The following FSTL4 variants were observed in gnomAD, a reference collection of about 807,000 sequenced individuals.
The protein encoded by FSTL4 is follistatin-related protein 4.
In FSTL4, 28 loss-of-function variants were observed where a neutral mutation model predicts 78.2. The ratio of observed to expected loss-of-function variants is 0.36; its 90% CI spans 0.27 to 0.49. The LOEUF is 0.49. Among genes scored for constraint, FSTL4 ranks in the 20% least tolerant of loss-of-function variants. The probability of loss-of-function intolerance (pLI) is 0.98; values close to 1 mark genes in which losing one functional copy is unlikely to be tolerated. For missense variants in FSTL4, 922 were observed against 1,084.9 expected (o/e 0.85, Z 2.11); for synonymous variants, 422 against 440.5 (o/e 0.96, Z 0.53).
chr5:133,517,447 A>AT (rs1217832188), intron 3 of FSTL4, among the ~76,000 whole-genome samples: 5 of 16,400 alleles, frequency 3.0e-4, no homozygotes, highest in Non-Finnish European at 4.0e-4. Context: ...AAAAAAAAAA[A>AT]ATATATATAT....
chr5:133,666,239 C>T, the FSTL4 span, among the ~76,000 whole-genome samples: 1 of 152,078 alleles, frequency 6.6e-6, no homozygotes, highest in African/African-American at 2.4e-5. Context: ...TTTCAGTGAG[C>T]GAAGCACTTT....
At chr5:133,507,490 A>G (rs1758632483) in intron 3 of FSTL4, among the ~76,000 whole-genome samples, 1 of 151,228 alleles carries the variant, frequency 6.6e-6, no homozygotes, top group Non-Finnish European at 1.5e-5. Context: ...CGGGTTCCAC[A>G]TCTACAGATT....
intron 3 of FSTL4, among the ~76,000 whole-genome samples, chr5:133,478,285 AT>A (rs1381350815): frequency 2.6e-5 from 4 of 152,132 alleles, no homozygotes; most frequent in Non-Finnish European, 4.4e-5. Context: ...CATCTTCACG[AT>A]TTATGGTGTG....
the FSTL4 span, among the ~76,000 whole-genome samples, chr5:133,837,712 C>T: frequency 6.6e-6 from 1 of 152,120 alleles, no homozygotes; most frequent in Admixed American, 6.5e-5. Flanking sequence ...GGTAGAACCA[C>T]AATTTTCCCC....
chr5:133,368,555 G>A (rs1248338311), intron 4 of FSTL4, among the ~76,000 whole-genome samples: 1 of 152,254 alleles, frequency 6.6e-6, no homozygotes, highest in Admixed American at 6.5e-5. Flanking sequence ...GATGTCAGAA[G>A]TGAGGGTACC....
chr5:133,268,340 G>T (rs992220029), intron 6 of FSTL4, among the ~76,000 whole-genome samples: 1 of 152,196 alleles, frequency 6.6e-6, no homozygotes, highest in Non-Finnish European at 1.5e-5. Context: ...CACACCACAT[G>T]ATGGAGAATT....
rs147171679 is a variant in FSTL4, at chr5:133,558,025, C to T, written c.160+9161G>A. Among the ~76,000 whole-genome samples the T allele has an allele frequency of 1.6e-4, 25 of 152,276 alleles. No individual in the cohort carries two copies. The East Asian group carries it at 4.8e-3, about 29-fold the overall frequency. On this transcript the variant is annotated intron_variant, in intron 3 of 15. Transcript: ENST00000265342. ...CAACATCAATTACACTGAACAAATG[C>T]TCTCTCTATGTTGCGGACCCAACTG...
intron 3 of FSTL4, among the ~76,000 whole-genome samples, chr5:133,549,593 A>G (rs559205909): frequency 6.6e-6 from 1 of 151,916 alleles, no homozygotes; most frequent in East Asian, 1.9e-4. Flanking sequence ...CATTTTTACA[A>G]ATTTTAACTG....
At chr5:133,828,447 T>C in the FSTL4 span, among the ~76,000 whole-genome samples, 2 of 152,244 alleles carry the variant, frequency 1.3e-5, no homozygotes. Flanking sequence ...TTTTATAATG[T>C]GAAAAAGTGC....
the FSTL4 span, among the ~76,000 whole-genome samples, chr5:133,822,102 T>A: frequency 6.6e-6 from 1 of 152,216 alleles, no homozygotes; most frequent in Admixed American, 6.5e-5. Context: ...GACAAAATGC[T>A]TAGAATTATG....
intron 4 of FSTL4, among the ~76,000 whole-genome samples, chr5:133,400,345 T>A (rs1756189188): frequency 6.6e-6 from 1 of 152,168 alleles, no homozygotes; most frequent in Non-Finnish European, 1.5e-5. Context: ...CTGACCACAT[T>A]CTATGCACAG....
At chr5:133,839,918 G>C in the FSTL4 span, among the ~76,000 whole-genome samples, 1 of 152,216 alleles carries the variant, frequency 6.6e-6, no homozygotes, top group African/African-American at 2.4e-5. Context: ...TCTTGTGTGA[G>C]CTTCATTTCT....
chr5:133,597,758 C>G (rs1760766840), intron 2 of FSTL4, among the ~76,000 whole-genome samples: 1 of 152,090 alleles, frequency 6.6e-6, no homozygotes, highest in Admixed American at 6.6e-5. Context: ...AAACAAGACT[C>G]CAAAACAGCT....
At chr5:133,354,834 A>T (rs1754908647) in intron 4 of FSTL4, among the ~76,000 whole-genome samples, 1 of 152,236 alleles carries the variant, frequency 6.6e-6, no homozygotes, top group Non-Finnish European at 1.5e-5. Flanking sequence ...TCCACCAGAG[A>T]GTGAGACTGA....
intron 8 of FSTL4, among the ~76,000 whole-genome samples, chr5:133,232,073 G>A (rs1387159452): frequency 1.3e-5 from 2 of 152,170 alleles, no homozygotes; most frequent in African/African-American, 4.8e-5. Flanking sequence ...GGTCAAGGGT[G>A]TTTTTAATTT....
intron 3 of FSTL4, among the ~76,000 whole-genome samples, chr5:133,435,220 T>G (rs370952120): frequency 2.8e-4 from 43 of 152,374 alleles, no homozygotes; most frequent in African/African-American, 1.0e-3. Context: ...TGATTTTATG[T>G]GTTTTATTTA....
At chr5:133,246,331 G>A (rs535646338) in intron 7 of FSTL4, among the ~76,000 whole-genome samples, 11 of 152,300 alleles carry the variant, frequency 7.2e-5, no homozygotes, top group Non-Finnish European at 1.5e-4. Flanking sequence ...CCTAATTCTT[G>A]CTTCAAAAAT....
the FSTL4 span, among the ~76,000 whole-genome samples, chr5:133,820,764 C>A: frequency 6.6e-6 from 1 of 152,186 alleles, no homozygotes; most frequent in Admixed American, 6.5e-5. Flanking sequence ...CAGAAACCAA[C>A]TGTTTGTGGC....
chr5:133,311,006 C>G (rs1189562614), intron 6 of FSTL4, among the ~76,000 whole-genome samples: 3 of 152,302 alleles, frequency 2.0e-5, no homozygotes, highest in Non-Finnish European at 4.4e-5. Context: ...CAATGTATAA[C>G]AACCGGCTCC....
Sources: allele counts gnomAD v4.1 joint callset (sites outside exome capture counted in the v4.1 genomes callset), GRCh38; gene constraint gnomAD v4.1.1; transcripts MANE v1.5; gene names NCBI Gene and HGNC (gene_info 2026-07-23, HGNC 2026-07-21).